Variants in WDR91 observed in about 807,000 individuals in gnomAD.
WDR91 encodes the protein WD repeat domain 91, also known as WD repeat-containing protein 91.
WDR91 carries 52 observed loss-of-function variants against 88.4 expected under a neutral mutation model. That is an observed-to-expected ratio of 0.59 (90% CI 0.47 to 0.74). The LOEUF (loss-of-function observed/expected upper bound fraction) is 0.74. WDR91 is among the 30% of genes least tolerant of loss of function. WDR91 has a pLI of 0.00. For missense variants in WDR91, 824 were observed against 954.5 expected (o/e 0.86, Z 1.80); for synonymous variants, 362 against 389.5 (o/e 0.93, Z 0.83).
chr7:135,193,098 AC>A (rs1831229480), intron 11 of WDR91, 132 bp downstream of exon 11: 1 of 1,316,922 alleles, frequency 7.6e-7, no homozygotes, highest in African/African-American at 1.5e-5. Context: ...GGAGTACACT[AC>A]TTTTCAACAC....
rs1444345973 is a variant in WDR91, at chr7:135,196,187, G to A, written c.1201C>T (p.Gln401Ter). 3 of 1,602,128 alleles carry A rather than the reference G, an allele frequency of 1.9e-6. No homozygotes were observed. Among genetic ancestry groups the A allele is most frequent in the Non-Finnish European group, 2.6e-6 (3 of 1,173,578 alleles). Residue 401 changes from glutamine (Q) to a stop codon, truncating the protein, a stop_gained, in exon 8 of 15, where the codon CAG (glutamine) becomes TAG (stop). Transcript: ENST00000354475. LOFTEE classifies it high-confidence loss of function. This position sits in a 1 kb window ranked among gnomAD's most constrained non-coding sequence, Gnocchi z 4.2. ...RPEQPFIVLG[Q>*]EEYGEHHSSI... ...GAGTGGTGTTCCCCGTACTCCTCCTGTCCCAGCACAATAAAGGGCTGCTCG... is the reference window on the plus strand; with the variant it reads ...GAGTGGTGTTCCCCGTACTCCTCCTATCCCAGCACAATAAAGGGCTGCTCG...
chr7:135,197,944 C>T, intron 7 of WDR91, 49 bp downstream of exon 7: 2 of 1,590,494 alleles, frequency 1.3e-6, no homozygotes, highest in East Asian at 2.3e-5. Context: ...CACAGTGTTC[C>T]TCAGTAGCTG....
chr7:135,193,744 G>C (rs1044310274), intron 9 of WDR91, 72 bp from the exon 10 acceptor site: 66 of 1,381,674 alleles, frequency 4.8e-5, no homozygotes, highest in African/African-American at 1.9e-4. Flanking sequence ...ATCTCCAGAG[G>C]GGGTGAGGCT....
At position 135,196,436 on chromosome 7, in the gene WDR91, G is replaced by A; in HGVS notation, c.1051-99C>T. The A allele has an allele frequency of 1.7e-6, 2 of 1,205,442 alleles. No homozygotes were observed. Among genetic ancestry groups the A allele is most frequent in the East Asian group, 2.7e-5 (1 of 36,620 alleles). The allele number at this position is 1,205,442 out of a possible 1,614,324, so 74.7% of individuals were successfully genotyped here. A position where few individuals can be genotyped will look rare whatever the true frequency, so the allele number is the denominator to read the frequency against. Reference sequence around the variant, plus strand: ...TAGGCCTAGGCTGCAGCATTTTGCGGGGTTCTCGGTAATTACAGAGTGGAG... The same window carrying A: ...TAGGCCTAGGCTGCAGCATTTTGCGAGGTTCTCGGTAATTACAGAGTGGAG... On this transcript the variant is annotated intron_variant, in intron 7 of 14. Coordinates refer to ENST00000354475, the MANE Select transcript of WDR91 (RefSeq NM_014149.4). The surrounding 1 kb of genome is among the most constrained non-coding windows in gnomAD (Gnocchi z 4.2).
chr7:135,186,939 T>A, intron 14 of WDR91, 33 bp downstream of exon 14: 1 of 1,611,612 alleles, frequency 6.2e-7, no homozygotes, highest in Non-Finnish European at 8.5e-7. Context: ...CCCACCACAA[T>A]ACCACTACCT....
intron 3 of WDR91, chr7:135,207,502 AAAGAGCT>A: frequency 2.4e-6 from 1 of 423,496 alleles, no homozygotes; most frequent in South Asian, 1.7e-5. Context: ...TACCAGAAGC[AAAGAGCT>A]AGCATCCAGT....
rs142179129 is a variant in WDR91 at position 135,196,248 on chromosome 7, T to A, written c.1140A>T (p.Ala380=). 1.7e-4 allele frequency: 267 copies of A among 1,611,610 alleles called. No individual in the cohort carries two copies. Among genetic ancestry groups the A allele is most frequent in the Non-Finnish European group, 2.1e-4 (249 of 1,178,958 alleles). ...HTEPVEPLTR[A]SSAGPEGGGV... is the part of the protein sequence containing the mutation. ...CTCCACCCTCAGGGCCTGCCGAGGA[T>A]GCCCGAGTCAGTGGCTCCACTGGCT... Residue 380 remains alanine, a synonymous_variant, in exon 8 of 15, where the codon GCA becomes GCT. Transcript: ENST00000354475. This position sits in a 1 kb window ranked among gnomAD's most constrained non-coding sequence, Gnocchi z 4.2.
chr7:135,193,560 G>A lies in WDR91; in HGVS notation c.1490+18C>T. On this transcript the variant is annotated intron_variant, in intron 10 of 14. Coordinates refer to ENST00000354475, the MANE Select transcript of WDR91 (RefSeq NM_014149.4). ...GGCAGCCTGCGGCCTTGATGGTGGGGGGTAGGTTCCAGTTCACCTGGGCAT... is the reference window on the plus strand; with the variant it reads ...GGCAGCCTGCGGCCTTGATGGTGGGAGGTAGGTTCCAGTTCACCTGGGCAT... 1 of 1,613,866 alleles carries A rather than the reference G, an allele frequency of 6.2e-7. No individual in the cohort carries two copies. The highest frequency in any genetic ancestry group is 1.1e-5 in the South Asian group (1 of 90,992).
rs758224648 is a variant in WDR91 at position 135,209,738 on chromosome 7, G to A, written c.141C>T (p.Asp47=). 7.5e-6 allele frequency: 12 copies of A among 1,600,436 alleles called. No individual in the cohort carries two copies. The highest frequency in any genetic ancestry group is 1.0e-5 in the Non-Finnish European group (12 of 1,172,890). The change falls in exon 2 of 15, where the codon GAC becomes GAT. Residue 47 remains aspartate, a synonymous_variant. Transcript: ENST00000354475. The part of the protein sequence containing the change: ...EKGFRVDKIV[D]QLQQLMQVYD... ...ACACCTGCATTAACTGCTGCAGCTG[G>A]TCCACAATCTTATCCACCTGGCGAG...
chr7:135,191,697 C>T (rs1000006460), intron 11 of WDR91, among the ~76,000 whole-genome samples: 2 of 151,100 alleles, frequency 1.3e-5, no homozygotes, highest in Non-Finnish European at 2.9e-5. Flanking sequence ...CTGGGAAGGG[C>T]TACACAAGAG....
intron 7 of WDR91, chr7:135,197,062 G>C (rs760931538): frequency 6.6e-6 from 1 of 152,238 alleles, no homozygotes; most frequent in East Asian, 1.9e-4. Flanking sequence ...AATCCAGGCT[G>C]GGGGCATCGG....
At chr7:135,189,757 C>T (rs1831092155) in intron 11 of WDR91, among the ~76,000 whole-genome samples, 1 of 152,174 alleles carries the variant, frequency 6.6e-6, no homozygotes, top group African/African-American at 2.4e-5. Flanking sequence ...GAATGCATTC[C>T]AAGCAAATTC....
intron 3 of WDR91, among the ~76,000 whole-genome samples, chr7:135,208,446 T>C (rs1388818911): frequency 2.0e-5 from 3 of 152,180 alleles, no homozygotes; most frequent in Non-Finnish European, 4.4e-5. Flanking sequence ...ACACGTTTCA[T>C]GCACAGAGAG....
chr7:135,194,135 G>GA (rs567534468), intron 9 of WDR91, among the ~76,000 whole-genome samples: 1 of 150,846 alleles, frequency 6.6e-6, no homozygotes. Flanking sequence ...AAGACCTCCA[G>GA]AAAAAAAAAT....
At position 135,199,914 on chromosome 7, in the gene WDR91, G is replaced by A. The variant is rs1026719068; in HGVS notation, c.892-1763C>T. The A allele has an allele frequency of 2.6e-5, 4 of 152,162 alleles. 1 individual carries two copies. Among genetic ancestry groups the A allele is most frequent in the South Asian group, 4.1e-4 (2 of 4,832 alleles). The allele number at this position is 152,162 out of a possible 1,614,324, so 9.4% of individuals were successfully genotyped here. On this transcript the variant is annotated intron_variant, in intron 6 of 14. Transcript: ENST00000354475. ...GCCACTTGTAACACTTCCCCAGCAGGAGCAAACAATAAAACACTGAGAAGT... is the reference window on the plus strand; with the variant it reads ...GCCACTTGTAACACTTCCCCAGCAGAAGCAAACAATAAAACACTGAGAAGT...
In WDR91 at chr7:135,185,920, AC is replaced by A. The variant is rs1830919384; in HGVS notation, c.*230del. The A allele has an allele frequency of 2.0e-6, 1 of 502,304 alleles. No homozygotes were observed. 31.1% of individuals were successfully genotyped at this position (502,304 alleles called of 1,614,324 possible). The stretch of plus-strand genomic sequence containing the variant: ...GCTTTCCTCCCATAGTCTCACATGT[AC>A]TCCTGGCACAGCCACAATACCAGTC... On this transcript the variant is annotated 3_prime_UTR_variant, in exon 15 of 15. Coordinates refer to ENST00000354475, the MANE Select transcript of WDR91 (RefSeq NM_014149.4).
At chr7:135,211,335 T>G in intron 1 of WDR91, 45 bp downstream of exon 1, 1 of 1,578,152 alleles carries the variant, frequency 6.3e-7, no homozygotes, top group Non-Finnish European at 8.6e-7. Context: ...GCTCCCCGGC[T>G]CCCTCGGGCC....
intron 6 of WDR91, among the ~76,000 whole-genome samples, chr7:135,201,886 G>A (rs1400960390): frequency 6.6e-6 from 1 of 152,152 alleles, no homozygotes; most frequent in African/African-American, 2.4e-5. Flanking sequence ...CTCAAATTTA[G>A]GTGTTAATTG....
chr7:135,188,395 T>C (rs763007493), intron 13 of WDR91, 38 bp downstream of exon 13: 1 of 1,579,950 alleles, frequency 6.3e-7, no homozygotes, highest in Non-Finnish European at 8.7e-7. Flanking sequence ...CCACATGTCA[T>C]CCCGGTGCTC....
Sources: allele counts gnomAD v4.1 joint callset (sites outside exome capture counted in the v4.1 genomes callset), GRCh38; gene constraint gnomAD v4.1.1; non-coding constraint Gnocchi (gnomAD v3.1); transcripts MANE v1.5; gene names NCBI Gene and HGNC (gene_info 2026-07-23, HGNC 2026-07-21).